Variants in NTNG1 observed in about 807,000 individuals in gnomAD.
NTNG1 encodes netrin-G1.
In NTNG1, 16 loss-of-function variants were observed where a neutral mutation model predicts 54.0. The observed-to-expected ratio is 0.30, with a 90% CI of 0.20 to 0.45. The LOEUF is 0.45. Ranked by LOEUF, NTNG1 falls within the 20% of genes least tolerant of loss-of-function variation. NTNG1 has a pLI of 1.00. For missense variants in NTNG1, 530 were observed against 678.7 expected (o/e 0.78, Z 2.43); for synonymous variants, 255 against 263.1 (o/e 0.97, Z 0.30).
chr1:107,184,760 G>A (rs1046858935), intron 2 of NTNG1, among the ~76,000 whole-genome samples: 1 of 152,160 alleles, frequency 6.6e-6, no homozygotes, highest in Non-Finnish European at 1.5e-5. Flanking sequence ...CTTTGTGTAT[G>A]TGTGAAAAGT....
At chr1:107,426,849 A>G (rs375736819) in intron 5 of NTNG1, among the ~76,000 whole-genome samples, 192 of 152,012 alleles carry the variant, frequency 1.3e-3, no homozygotes, top group African/African-American at 4.0e-3. Flanking sequence ...GTTGTCTACA[A>G]TTTCTCCTAT....
chr1:107,437,331 C>T (rs1675667837), intron 7 of NTNG1, among the ~76,000 whole-genome samples: 1 of 152,086 alleles, frequency 6.6e-6, no homozygotes, highest in Admixed American at 6.5e-5. Context: ...GATTTTAAGC[C>T]TCTGAGGTTA....
At chr1:107,404,892 A>G (rs1439490494) in intron 4 of NTNG1, among the ~76,000 whole-genome samples, 1 of 152,182 alleles carries the variant, frequency 6.6e-6, no homozygotes, top group Non-Finnish European at 1.5e-5. Context: ...ATGCTAAAAA[A>G]CTGCCAACAT....
intron 3 of NTNG1, among the ~76,000 whole-genome samples, chr1:107,341,849 C>T (rs576463255): frequency 1.2e-4 from 19 of 152,152 alleles, no homozygotes; most frequent in African/African-American, 3.9e-4. Context: ...TTTTGAAAGA[C>T]AGCAAAACCC....
At chr1:107,401,228 T>C (rs1002117080) in intron 4 of NTNG1, among the ~76,000 whole-genome samples, 6 of 151,962 alleles carry the variant, frequency 3.9e-5, no homozygotes, top group Admixed American at 3.9e-4. Flanking sequence ...TCCCCGAGGG[T>C]TATTTACTGC....
At chr1:107,222,044 T>C (rs969954393) in intron 2 of NTNG1, among the ~76,000 whole-genome samples, 2 of 152,048 alleles carry the variant, frequency 1.3e-5, no homozygotes, top group Admixed American at 6.6e-5. Context: ...CAAACCTTCA[T>C]ACGTGTTGTT....
intron 7 of NTNG1, among the ~76,000 whole-genome samples, chr1:107,469,033 G>C (rs895500094): frequency 2.1e-5 from 3 of 144,964 alleles, no homozygotes; most frequent in African/African-American, 7.7e-5. Context: ...GGAGGCGGAG[G>C]TTGCAGTGAG....
chr1:107,222,799 CTTTTT>C (rs113401472), intron 2 of NTNG1, among the ~76,000 whole-genome samples: 6 of 109,052 alleles, frequency 5.5e-5, no homozygotes, highest in African/African-American at 1.1e-4. Flanking sequence ...ACCAGTGCTG[CTTTTT>C]TTTTTTTTTT....
At chr1:107,359,375 A>G (rs770664991) in intron 3 of NTNG1, among the ~76,000 whole-genome samples, 2 of 152,228 alleles carry the variant, frequency 1.3e-5, no homozygotes, top group Admixed American at 6.5e-5. Flanking sequence ...TCTGAACCCT[A>G]TCACAGACCA....
At chr1:107,400,870 G>A (rs1672987313) in intron 4 of NTNG1, among the ~76,000 whole-genome samples, 3 of 152,190 alleles carry the variant, frequency 2.0e-5, no homozygotes, top group South Asian at 2.1e-4. Flanking sequence ...GGCTGCTCTC[G>A]AACTTCTGAC....
rs192526860 is a variant in NTNG1, at chr1:107,214,008, T to G, written c.246+65169T>G. ...TATGTATGAAAATATCTTCTCCTAATTTTTAGTTTTTCTTTTCACTCTCCC... is the reference window on the plus strand; with the variant it reads ...TATGTATGAAAATATCTTCTCCTAAGTTTTAGTTTTTCTTTTCACTCTCCC... On this transcript the variant is annotated intron_variant, in intron 2 of 7. Transcript: ENST00000370068. Among the ~76,000 whole-genome samples, 3 of 152,290 alleles carry G rather than the reference T, an allele frequency of 2.0e-5. No homozygotes were observed. In the East Asian group the frequency reaches 5.8e-4, roughly 29 times the overall value.
At chr1:107,370,094 A>G (rs920165438) in intron 3 of NTNG1, among the ~76,000 whole-genome samples, 2 of 152,160 alleles carry the variant, frequency 1.3e-5, no homozygotes, top group African/African-American at 4.8e-5. Context: ...TTATACCAGT[A>G]TCACACTGTT....
intron 7 of NTNG1, among the ~76,000 whole-genome samples, chr1:107,477,783 C>T (rs1482614902): frequency 2.0e-5 from 3 of 151,892 alleles, no homozygotes; most frequent in African/African-American, 7.3e-5. Flanking sequence ...CATTTATTTT[C>T]TGCCAAACCA....
intron 4 of NTNG1, among the ~76,000 whole-genome samples, chr1:107,395,721 C>A (rs1672642688): frequency 6.6e-6 from 1 of 152,124 alleles, no homozygotes; most frequent in South Asian, 2.1e-4. Context: ...ATGTTTACAG[C>A]CCCATTTCCC....
chr1:107,269,019 G>C (rs1027503588), intron 2 of NTNG1, among the ~76,000 whole-genome samples: 4 of 152,068 alleles, frequency 2.6e-5, no homozygotes, highest in African/African-American at 4.8e-5. Flanking sequence ...ATGGCATTCA[G>C]TACAAATTTT....
intron 2 of NTNG1, among the ~76,000 whole-genome samples, chr1:107,219,133 A>G (rs1304708179): frequency 1.5e-5 from 1 of 65,808 alleles, no homozygotes; most frequent in Non-Finnish European, 3.1e-5. Context: ...TTTTGTCTTT[A>G]ATAGATCAGG....
chr1:107,435,577 C>G (rs1675544508), intron 6 of NTNG1, among the ~76,000 whole-genome samples: 1 of 152,086 alleles, frequency 6.6e-6, no homozygotes. Flanking sequence ...CTAGACCCAT[C>G]TATAAGGCTA....
At chr1:107,254,419 C>G (rs1422057907) in intron 2 of NTNG1, among the ~76,000 whole-genome samples, 1 of 152,224 alleles carries the variant, frequency 6.6e-6, no homozygotes, top group Admixed American at 6.5e-5. Context: ...TCATGTACCT[C>G]ACTTCCCAGT....
intron 5 of NTNG1, among the ~76,000 whole-genome samples, chr1:107,417,770 C>A (rs562414254): frequency 3.3e-5 from 5 of 152,202 alleles, no homozygotes; most frequent in Admixed American, 6.6e-5. Flanking sequence ...CTTTAATAGT[C>A]ATGCCCATGC....
Sources: allele counts gnomAD v4.1 joint callset (sites outside exome capture counted in the v4.1 genomes callset), GRCh38; gene constraint gnomAD v4.1.1; transcripts MANE v1.5; gene names NCBI Gene and HGNC (gene_info 2026-07-23, HGNC 2026-07-21).